The following SNX32 variants were observed in gnomAD, a reference collection of about 807,000 sequenced individuals.
SNX32 encodes the protein sorting nexin 32.
SNX32 carries 58 observed loss-of-function variants against 57.0 expected under a neutral mutation model. That is an observed-to-expected ratio of 1.02 (90% CI 0.82 to 1.27). SNX32 has a LOEUF of 1.27. Among genes scored for constraint, SNX32 ranks in the 50% most tolerant of loss-of-function variants. The pLI, the probability that SNX32 is intolerant of heterozygous loss-of-function variation, is 0.00. For synonymous variants in SNX32, 262 were observed against 220.4 expected, an observed-to-expected ratio of 1.19 and a Z score of -1.67; for missense variants, 589 against 541.2, an observed-to-expected ratio of 1.09 and a Z score of -0.88.
At chr11:65,853,016 C>T (rs907446662) in intron 12 of SNX32, 58 bp downstream of exon 12, 2 of 1,568,172 alleles carry the variant, frequency 1.3e-6, no homozygotes, top group African/African-American at 2.7e-5. Flanking sequence ...ACCTCCCTCC[C>T]TCCCCCAGGC....
rs756352666 is a variant in SNX32, at chr11:65,851,667, T to C, written c.813T>C (p.Phe271=). Residue 271 remains phenylalanine (F), a synonymous_variant, in exon 9 of 13, where the codon TTT becomes TTC. Transcript: ENST00000308342. ...GCTTCCTCAAATTGGCAGAGCTCTT[T>C]GAACGGCTGAGGGTGAGTACTGCCT... ...RTSFLKLAEL[F]ERLRKLEGRV... is the part of the protein sequence containing the mutation. 7.4e-6 allele frequency: 12 copies of C among 1,614,136 alleles called. No individual in the cohort carries two copies. The highest frequency in any genetic ancestry group is 1.7e-4 in the Middle Eastern group (1 of 6,058).
rs543884777 is a variant in SNX32 at position 65,850,945 on chromosome 11, A to G, written c.603+90A>G. On this transcript the variant is annotated intron_variant, in intron 6 of 12. Coordinates refer to ENST00000308342, the MANE Select transcript of SNX32 (RefSeq NM_152760.3). ...CCAGGCTGGGTGTGGGAAGGAAGCC[A>G]CTGGTGGGGCCTGGCCTGGTTTGGA... The G allele has an allele frequency of 2.0e-6, 3 of 1,499,596 alleles. No homozygotes were observed. In the East Asian group the frequency reaches 6.8e-5, roughly 34 times the overall value. 92.9% of individuals were successfully genotyped at this position (1,499,596 alleles called of 1,614,324 possible). A position where few individuals can be genotyped will look rare whatever the true frequency, so the allele number is the denominator to read the frequency against.
chr11:65,852,574 C>G, intron 10 of SNX32, 23 bp downstream of exon 10: 17 of 1,613,994 alleles, frequency 1.1e-5, no homozygotes, highest in Non-Finnish European at 1.4e-5. Context: ...CCCAGCGCAG[C>G]GCTCAGGCCC....
chr11:65,838,325 A>C (rs1383008475), intron 1 of SNX32, among the ~76,000 whole-genome samples: 1 of 152,184 alleles, frequency 6.6e-6, no homozygotes, highest in Non-Finnish European at 1.5e-5. Context: ...TAGCATCAAA[A>C]TATGCAAAAT....
In SNX32 at chr11:65,852,485, T is replaced by C. The variant is rs1184968037; in HGVS notation, c.846T>C (p.Ala282=). The C allele has an allele frequency of 6.2e-7, 1 of 1,614,170 alleles. No individual in the cohort carries two copies. The highest frequency in any genetic ancestry group is 2.2e-5 in the East Asian group (1 of 44,878). ...TGCAGAAGCTGGAGGGCCGGGTGGC[T>C]TCCGATGAGGACCTGAAGCTGTCAG... ...ERLRKLEGRV[A]SDEDLKLSDM... Residue 282 remains alanine, a synonymous_variant, in exon 10 of 13, where the codon GCT becomes GCC. Transcript: ENST00000308342.
chr11:65,835,437 C>T (rs893889296), intron 1 of SNX32: 7 of 152,134 alleles, frequency 4.6e-5, no homozygotes, highest in South Asian at 2.1e-4. Context: ...CTGTTCAGCC[C>T]TAATGGCTTC....
Position 65,850,247 on chromosome 11 carries a change from C to G in SNX32, c.350C>G (p.Ala117Gly). 5 of 1,614,202 alleles carry G rather than the reference C, an allele frequency of 3.1e-6. No homozygotes were observed. The highest frequency in any genetic ancestry group is 4.2e-6 in the Non-Finnish European group (5 of 1,180,044). ...GDSSVTREEF[A>G]KMKQELEAEY... ...AGCTCTGTCACTCGGGAAGAGTTTG[C>G]CAAGATGAAGCAGGAGCTGGAAGCG... Residue 117 changes from alanine to glycine, a missense_variant, in exon 4 of 13, where the codon GCC becomes GGC. Ala to Gly is a moderately conservative substitution (Grantham distance 60). Transcript: ENST00000308342.
At chr11:65,834,770 T>C (rs1485333773) in intron 1 of SNX32, among the ~76,000 whole-genome samples, 3 of 149,862 alleles carry the variant, frequency 2.0e-5, no homozygotes, top group Non-Finnish European at 4.5e-5. Flanking sequence ...TGCGTGCATC[T>C]TTATGTCTGT....
intron 1 of SNX32, among the ~76,000 whole-genome samples, chr11:65,841,073 T>C (rs1034390659): frequency 1.3e-5 from 2 of 151,212 alleles, no homozygotes; most frequent in African/African-American, 4.9e-5. Flanking sequence ...GCCTCCTGAG[T>C]AGCTGGGATT....
chr11:65,837,641 G>A (rs1022389308), intron 1 of SNX32, among the ~76,000 whole-genome samples: 12 of 151,534 alleles, frequency 7.9e-5, no homozygotes, highest in Non-Finnish European at 1.0e-4. Flanking sequence ...CCAACAGAGC[G>A]GACCCCCATC....
Position 65,850,794 on chromosome 11 carries a change from TTC to T in SNX32, c.544_545del (p.Leu182GlufsTer9), listed in dbSNP as rs1332391171. On this transcript the variant is annotated frameshift_variant, in exon 6 of 13. Coordinates refer to ENST00000308342, the MANE Select transcript of SNX32 (RefSeq NM_152760.3). LOFTEE classifies it high-confidence loss of function. ...AACAGGAAGGAGCTCCTCGGAGGGT[TTC>T]TGAGGAATATTGTGAAGTCCGCGGA... 1.9e-6 allele frequency: 3 copies of T among 1,613,882 alleles called. No homozygotes were observed. The highest frequency in any genetic ancestry group is 2.5e-6 in the Non-Finnish European group (3 of 1,179,968).
At chr11:65,838,928 T>C (rs2134688638) in intron 1 of SNX32, among the ~76,000 whole-genome samples, 1 of 152,084 alleles carries the variant, frequency 6.6e-6, no homozygotes, top group South Asian at 2.1e-4. Flanking sequence ...ATTACAAAAA[T>C]ATGACATATC....
In SNX32 at chr11:65,853,684, A is replaced by C; in HGVS notation, c.*349A>C. 3 of 314,416 alleles carry C rather than the reference A, an allele frequency of 9.5e-6. No individual in the cohort carries two copies. Among genetic ancestry groups the C allele is most frequent in the South Asian group, 4.1e-5 (1 of 24,164 alleles). The allele number at this position is 314,416 out of a possible 1,614,324, so 19.5% of individuals were successfully genotyped here. A position where few individuals can be genotyped will look rare whatever the true frequency, so the allele number is the denominator to read the frequency against. On this transcript the variant is annotated 3_prime_UTR_variant, in exon 13 of 13. Transcript: ENST00000308342. ...GGCCTGTTCTCCTTCGCAAATAAAA[A>C]CCCTGGTTTTGTAGCAAGGAGGCCT... is the stretch of plus-strand genomic sequence containing the variant.
At chr11:65,840,289 A>ATG (rs1237245133) in intron 1 of SNX32, among the ~76,000 whole-genome samples, 1 of 152,214 alleles carries the variant, frequency 6.6e-6, no homozygotes, top group Non-Finnish European at 1.5e-5. Context: ...AGCTTCATTA[A>ATG]GATACCCTTG....
Position 65,851,084 on chromosome 11 carries a change from G to C in SNX32, c.633G>C (p.Arg211Ser). 6.2e-7 allele frequency: 1 copy of C among 1,614,062 alleles called. No homozygotes were observed. Among genetic ancestry groups the C allele is most frequent in the Non-Finnish European group, 8.5e-7 (1 of 1,179,994 alleles). ...KEVDDFFEHERTFLLEYHTRI... is the reference protein window; with the variant it reads ...KEVDDFFEHESTFLLEYHTRI... ...TGGATGACTTCTTTGAGCATGAGAG[G>C]ACCTTCCTGTTGGAGTATCACACCC... The change falls in exon 7 of 13, where the codon AGG becomes AGC. Residue 211 changes from arginine (R) to serine (S), a missense_variant. Physicochemically the swap from Arg to Ser is moderately radical, Grantham distance 110. Transcript: ENST00000308342.
intron 1 of SNX32, among the ~76,000 whole-genome samples, chr11:65,842,373 G>A (rs1858863886): frequency 6.6e-6 from 1 of 152,214 alleles, no homozygotes; most frequent in Non-Finnish European, 1.5e-5. Context: ...AAATCACCGG[G>A]CGTGGTGGAT....
Position 65,850,563 on chromosome 11 carries a change from G to C in SNX32, c.498+9G>C. The C allele has an allele frequency of 6.3e-7, 1 of 1,599,406 alleles. No homozygotes were observed. The highest frequency in any genetic ancestry group is 1.8e-5 in the Admixed American group (1 of 57,124). The stretch of plus-strand genomic sequence containing the variant: ...TGGAATATGGACAGGATGTGAGCTG[G>C]GCCGAATCCCTGGGGTCACCCTTGG... On this transcript the variant is annotated intron_variant, in intron 5 of 12. Coordinates refer to ENST00000308342, the MANE Select transcript of SNX32 (RefSeq NM_152760.3).
At chr11:65,839,223 G>GTTTTTTTTTTTTGTTTTTTTTTTTTTT (rs755185237) in intron 1 of SNX32, among the ~76,000 whole-genome samples, 1 of 23,078 alleles carries the variant, frequency 4.3e-5, no homozygotes, top group East Asian at 1.7e-3. Context: ...TAATTTTTTT[G>GTTTTTTTTTTTTGTTTTTTTTTTTTTT]TATTTTTTTT....
At chr11:65,845,729 C>A (rs1250226157) in intron 1 of SNX32, among the ~76,000 whole-genome samples, 1 of 151,904 alleles carries the variant, frequency 6.6e-6, no homozygotes, top group Non-Finnish European at 1.5e-5. Context: ...AAGAGCAAAA[C>A]TCCATCTCAA....
Sources: allele counts gnomAD v4.1 joint callset (sites outside exome capture counted in the v4.1 genomes callset), GRCh38; gene constraint gnomAD v4.1.1; transcripts MANE v1.5; gene names NCBI Gene and HGNC (gene_info 2026-07-23, HGNC 2026-07-21).